GABRA3: variants seen among roughly 807,000 people sequenced by gnomAD.
GABRA3 encodes the protein gamma-aminobutyric acid receptor subunit alpha-3.
Under a neutral mutation model 30.1 loss-of-function variants are expected in GABRA3, and 10 were observed. The ratio of observed to expected loss-of-function variants is 0.33; its 90% CI spans 0.20 to 0.56. The LOEUF (loss-of-function observed/expected upper bound fraction) is 0.56. Among genes scored for constraint, GABRA3 ranks in the 20% least tolerant of loss-of-function variants. GABRA3 has a pLI of 0.89. For synonymous variants in GABRA3, 151 were observed against 146.8 expected (o/e 1.03, Z -0.21); for missense variants, 233 against 392.0 (o/e 0.59, Z 3.42).
intron 5 of GABRA3, among the ~76,000 whole-genome samples, chrX:152,254,597 T>C (rs1183481411): frequency 9.0e-6 from 1 of 111,232 alleles, no homozygotes; most frequent in Non-Finnish European, 1.9e-5. Context: ...CCATCTCTCA[T>C]CCAACTTCTC....
At chrX:152,257,540 T>C (rs1163835897) in intron 4 of GABRA3, among the ~76,000 whole-genome samples, 1 of 113,049 alleles carries the variant, frequency 8.8e-6, no homozygotes, top group African/African-American at 3.2e-5. Context: ...CACTCTTTCC[T>C]TTAAAGATTA....
intron 1 of GABRA3, among the ~76,000 whole-genome samples, chrX:152,413,678 A>T (rs972296005): frequency 9.0e-6 from 1 of 111,535 alleles, no homozygotes; most frequent in Non-Finnish European, 1.9e-5. Context: ...ACGCCTGAAA[A>T]AAACGTTGAG....
chrX:152,275,187 T>TTA (rs1352679476), intron 4 of GABRA3, among the ~76,000 whole-genome samples: 6 of 74,649 alleles, frequency 8.0e-5, no homozygotes, highest in Admixed American at 2.4e-4. Flanking sequence ...ATATTTAATA[T>TTA]TATATATATA....
At chrX:152,226,566 T>A (rs1054326600) in intron 5 of GABRA3, among the ~76,000 whole-genome samples, 1 of 111,191 alleles carries the variant, frequency 9.0e-6, no homozygotes, top group Non-Finnish European at 1.9e-5. Flanking sequence ...TCTGCACAGC[T>A]AAAGAAACTA....
chrX:152,254,229 T>C (rs1938601479), intron 5 of GABRA3, among the ~76,000 whole-genome samples: 1 of 110,979 alleles, frequency 9.0e-6, no homozygotes, highest in Non-Finnish European at 1.9e-5. Context: ...CTTGTTCATC[T>C]CCTCCCATGT....
At chrX:152,182,915 A>G (rs968684662) in intron 9 of GABRA3, among the ~76,000 whole-genome samples, 9 of 100,245 alleles carry the variant, frequency 9.0e-5, no homozygotes, top group Non-Finnish European at 1.6e-4. Flanking sequence ...TACTTTAAGA[A>G]GTTCTGGGGA....
intron 1 of GABRA3, among the ~76,000 whole-genome samples, chrX:152,432,962 A>C (rs1930684148): frequency 9.0e-6 from 1 of 111,070 alleles, no homozygotes; most frequent in Admixed American, 9.6e-5. Flanking sequence ...GTTCCAAAAA[A>C]GATGAAGGAG....
intron 1 of GABRA3, among the ~76,000 whole-genome samples, chrX:152,445,414 T>C (rs1210327913): frequency 9.0e-6 from 1 of 111,321 alleles, no homozygotes; most frequent in Non-Finnish European, 1.9e-5. Flanking sequence ...GTAATAGAAA[T>C]ACCACCTAAT....
intron 1 of GABRA3, among the ~76,000 whole-genome samples, chrX:152,422,174 T>C (rs1413029252): frequency 9.0e-6 from 1 of 111,602 alleles, no homozygotes; most frequent in African/African-American, 3.2e-5. Flanking sequence ...AGGAGGGATA[T>C]ATAATTGTGG....
intron 3 of GABRA3, among the ~76,000 whole-genome samples, chrX:152,316,374 A>T (rs960685295): frequency 1.8e-5 from 2 of 111,928 alleles, no homozygotes; most frequent in African/African-American, 6.5e-5. Flanking sequence ...AAACGAACAA[A>T]CCTAAGAATA....
At position 152,207,927 on chromosome X, in the gene GABRA3, A is replaced by G. The variant is rs1461311511; in HGVS notation, c.778+74T>C. On this transcript the variant is annotated intron_variant, in intron 7 of 9. Coordinates refer to ENST00000370314, the MANE Select transcript of GABRA3 (RefSeq NM_000808.4). ...CATTGTTTTGAAGATTAAGTAAGTT[A>G]TAAGCACTTAGAACAGTGACTGGCA... 11 of 921,046 alleles carry G rather than the reference A, an allele frequency of 1.2e-5. No homozygotes were observed. The Admixed American group carries it at 3.0e-4, about 25-fold the overall frequency. The allele number at this position is 921,046 out of a possible 1,213,427, so 75.9% of individuals were successfully genotyped here.
At chrX:152,171,452 A>T in intron 9 of GABRA3, 1 of 364,774 alleles carries the variant, frequency 2.7e-6, no homozygotes, top group East Asian at 2.0e-4. Context: ...AAATCAAAGC[A>T]AAATTTGAGT....
At position 152,417,791 on chromosome X, in the gene GABRA3, C is replaced by T. The variant is rs774662484; in HGVS notation, c.-27+33355G>A. On this transcript the variant is annotated intron_variant, in intron 1 of 9. Coordinates refer to ENST00000370314, the MANE Select transcript of GABRA3 (RefSeq NM_000808.4). ...ATCACAAGAACAAAAAACCAAACACCGCATATTCTCACTCATAGGTGGGAA... is the reference window on the plus strand; with the variant it reads ...ATCACAAGAACAAAAAACCAAACACTGCATATTCTCACTCATAGGTGGGAA... Among the ~76,000 whole-genome samples the T allele has an allele frequency of 4.0e-3, 392 of 96,976 alleles. 2 individuals carry two copies. The highest frequency in any genetic ancestry group is 0.014 in the African/African-American group (377 of 26,382). The allele number at this position is 96,976 out of a possible 115,157, so 84.2% of individuals were successfully genotyped here.
chrX:152,272,728 G>A (rs1938968910), intron 4 of GABRA3, among the ~76,000 whole-genome samples: 1 of 111,612 alleles, frequency 9.0e-6, no homozygotes, highest in Admixed American at 9.5e-5. Context: ...CCCACGTGTG[G>A]TGGGAGGGAA....
intron 4 of GABRA3, among the ~76,000 whole-genome samples, chrX:152,278,381 T>C (rs1939130947): frequency 9.2e-6 from 1 of 109,248 alleles, no homozygotes; most frequent in Non-Finnish European, 1.9e-5. Context: ...GTCCTTGCAA[T>C]AGTTTGCTGA....
intron 4 of GABRA3, among the ~76,000 whole-genome samples, chrX:152,266,729 G>C (rs1938831606): frequency 9.1e-6 from 1 of 109,956 alleles, no homozygotes; most frequent in South Asian, 3.9e-4. Context: ...CTTACCATGA[G>C]TTATTTTTCT....
At chrX:152,379,131 G>C (rs896182096) in intron 1 of GABRA3, among the ~76,000 whole-genome samples, 2 of 111,289 alleles carry the variant, frequency 1.8e-5, no homozygotes, top group Non-Finnish European at 1.9e-5. Context: ...TGGAAATATG[G>C]AGAATACCAT....
intron 3 of GABRA3, among the ~76,000 whole-genome samples, chrX:152,291,212 C>A (rs929958071): frequency 9.0e-6 from 1 of 111,456 alleles, no homozygotes; most frequent in Non-Finnish European, 1.9e-5. Context: ...TTGTAGCTCT[C>A]CTTGAAGAGG....
chrX:152,315,630 C>G (rs1939861905), intron 3 of GABRA3, among the ~76,000 whole-genome samples: 1 of 111,218 alleles, frequency 9.0e-6, no homozygotes, highest in Non-Finnish European at 1.9e-5. Context: ...CACCCACTGT[C>G]TGGAAACAAA....
Sources: gnomAD v4.1 joint callset for allele counts (sites outside exome capture counted in the v4.1 genomes callset) on GRCh38, gnomAD v4.1.1 for gene constraint, MANE v1.5 for transcripts, NCBI Gene and HGNC (gene_info 2026-07-23, HGNC 2026-07-21) for gene names.